DCAF4: variants seen among roughly 807,000 people sequenced by gnomAD.
The protein encoded by DCAF4 is DDB1- and CUL4-associated factor 4.
DCAF4 carries 37 observed loss-of-function variants against 60.9 expected under a neutral mutation model. That is an observed-to-expected ratio of 0.61 (90% CI 0.47 to 0.80). DCAF4 has a LOEUF of 0.80. DCAF4 is among the 30% of genes least tolerant of loss of function. DCAF4 has a pLI of 0.00. For missense variants in DCAF4, 577 were observed against 650.0 expected, an observed-to-expected ratio of 0.89 and a Z score of 1.22; for synonymous variants, 243 against 254.8, an observed-to-expected ratio of 0.95 and a Z score of 0.44.
chr14:72,940,402 C>T, intron 4 of DCAF4, 25 bp downstream of exon 4: 2 of 1,588,728 alleles, frequency 1.3e-6, no homozygotes, highest in Non-Finnish European at 8.5e-7. Context: ...CCTTCGCCCC[C>T]TGTCCTCTCC....
chr14:72,959,287 A>T lies in DCAF4; in HGVS notation c.*482A>T. On this transcript the variant is annotated 3_prime_UTR_variant, in exon 14 of 14. Transcript: ENST00000358377. ...AGAGGACGGGGAGGTTACTTCTCTA[A>T]GTTTCTGCAGAAATATTGAAGGCTG... 1.0e-6 allele frequency: 1 copy of T among 985,904 alleles called. No individual in the cohort carries two copies. Among genetic ancestry groups the T allele is most frequent in the South Asian group, 4.7e-5 (1 of 21,282 alleles). 61.1% of individuals were successfully genotyped at this position (985,904 alleles called of 1,614,324 possible).
intron 1 of DCAF4, among the ~76,000 whole-genome samples, chr14:72,927,663 C>A (rs1339169003): frequency 6.6e-6 from 1 of 151,642 alleles, no homozygotes; most frequent in Non-Finnish European, 1.5e-5. Flanking sequence ...AGGTGGTGTT[C>A]TGTGGGTAAC....
intron 9 of DCAF4, among the ~76,000 whole-genome samples, chr14:72,953,726 AAAAAAAATATATATATAT>A (rs1376121609): frequency 4.4e-5 from 2 of 45,868 alleles, no homozygotes; most frequent in Non-Finnish European, 7.5e-5. Flanking sequence ...AAAAAAAAAA[AAAAAAAATATATATATAT>A]ATATATATAT....
chr14:72,937,650 A>G (rs1889463455), intron 1 of DCAF4, among the ~76,000 whole-genome samples: 1 of 151,098 alleles, frequency 6.6e-6, no homozygotes, highest in Non-Finnish European at 1.5e-5. Flanking sequence ...CGAACTCCTG[A>G]CCTCGTGATC....
At chr14:72,939,301 C>T (rs545551434) in intron 2 of DCAF4, among the ~76,000 whole-genome samples, 1 of 152,302 alleles carries the variant, frequency 6.6e-6, no homozygotes, top group Admixed American at 6.5e-5. Flanking sequence ...GTTTTAGCCG[C>T]AGCTCTATCC....
Position 72,956,512 on chromosome 14 carries a change from A to G in DCAF4, c.1294+12A>G, listed in dbSNP as rs199555282. On this transcript the variant is annotated intron_variant, in intron 13 of 13. Coordinates refer to ENST00000358377, the MANE Select transcript of DCAF4 (RefSeq NM_015604.4). ...AATCCTGGTGGCAGGTACTTGAGGAAGGAAGGGGAAGTTCCACCCCATCAA... is the reference window on the plus strand; with the variant it reads ...AATCCTGGTGGCAGGTACTTGAGGAGGGAAGGGGAAGTTCCACCCCATCAA... The G allele has an allele frequency of 5.0e-6, 8 of 1,602,292 alleles. No individual in the cohort carries two copies. In the East Asian group the frequency reaches 1.6e-4, roughly 31 times the overall value.
intron 1 of DCAF4, among the ~76,000 whole-genome samples, chr14:72,927,652 G>A (rs925391092): frequency 5.9e-5 from 9 of 151,708 alleles, no homozygotes; most frequent in East Asian, 5.9e-4. Flanking sequence ...CGCCCGGCCT[G>A]AGGTGGTGTT....
At chr14:72,953,765 T>TATATA (rs1891852668) in intron 9 of DCAF4, among the ~76,000 whole-genome samples, 3 of 21,974 alleles carry the variant, frequency 1.4e-4, no homozygotes, top group African/African-American at 4.4e-4. Flanking sequence ...ATATATATAG[T>TATATA]TTATTTATTT....
At chr14:72,957,377 C>T (rs1464439093) in intron 13 of DCAF4, 1 of 152,184 alleles carries the variant, frequency 6.6e-6, no homozygotes, top group South Asian at 2.1e-4. Flanking sequence ...AGTGTGCAGG[C>T]TCAATGCTTT....
At chr14:72,945,766 ACT>A in intron 6 of DCAF4, 116 bp from the exon 7 acceptor site, 1 of 1,344,682 alleles carries the variant, frequency 7.4e-7, no homozygotes, top group Admixed American at 2.0e-5. Context: ...ATGGAGAGGA[ACT>A]CTCACCTAGT....
At chr14:72,954,000 A>G (rs1414387281) in intron 9 of DCAF4, among the ~76,000 whole-genome samples, 164 bp from the exon 10 acceptor site, 1 of 151,922 alleles carries the variant, frequency 6.6e-6, no homozygotes, top group Admixed American at 6.6e-5. Context: ...CTTGTGAGCC[A>G]GGCATCCCAG....
At chr14:72,934,784 A>G (rs1057055631) in intron 1 of DCAF4, among the ~76,000 whole-genome samples, 10 of 152,284 alleles carry the variant, frequency 6.6e-5, no homozygotes, top group Non-Finnish European at 1.5e-4. Context: ...GCCAGGTAGC[A>G]CAGCTTATTA....
At chr14:72,948,918 G>A (rs1891074757) in intron 8 of DCAF4, among the ~76,000 whole-genome samples, 1 of 152,176 alleles carries the variant, frequency 6.6e-6, no homozygotes, top group African/African-American at 2.4e-5. Flanking sequence ...ATCTTAGCCT[G>A]GCTCCGTAAG....
rs562907145 is a variant in DCAF4, at chr14:72,944,828, C to T, written c.535-1056C>T. On this transcript the variant is annotated intron_variant, in intron 6 of 13. Coordinates refer to ENST00000358377, the MANE Select transcript of DCAF4 (RefSeq NM_015604.4). ...ATAGGGCCAGGTGTGGTGGCTCACA[C>T]CTGTAATCCCAGCACTTTGGGAGGC... is the stretch of plus-strand genomic sequence containing the variant. Among the ~76,000 whole-genome samples the T allele has an allele frequency of 2.0e-5, 3 of 152,194 alleles. No individual in the cohort carries two copies. The South Asian group carries it at 6.2e-4, about 32-fold the overall frequency.
chr14:72,931,738 G>A (rs77694099), intron 1 of DCAF4, among the ~76,000 whole-genome samples: 13,362 of 152,022 alleles, frequency 0.088, 691 homozygotes, highest in East Asian at 0.2. Context: ...AATCATGAGA[G>A]GATGTTGCAT....
chr14:72,948,803 A>G (rs188034046), intron 8 of DCAF4, among the ~76,000 whole-genome samples: 3 of 152,322 alleles, frequency 2.0e-5, no homozygotes, highest in Admixed American at 2.0e-4. Flanking sequence ...TACTTTGTTC[A>G]GACCTGCACT....
chr14:72,960,189 A>G (rs1215441208), downstream of DCAF4, among the ~76,000 whole-genome samples: 2 of 145,894 alleles, frequency 1.4e-5, no homozygotes, highest in African/African-American at 5.1e-5. Flanking sequence ...GGTGTTTTAT[A>G]CTTGTTGCCC....
At chr14:72,956,112 G>C (rs536017226) in intron 12 of DCAF4, among the ~76,000 whole-genome samples, 1 of 151,730 alleles carries the variant, frequency 6.6e-6, no homozygotes, top group East Asian at 1.9e-4. Context: ...TAGTAGAGAT[G>C]GGGTTTCACC....
intron 1 of DCAF4, chr14:72,929,525 C>T: frequency 1.3e-6 from 1 of 745,212 alleles, no homozygotes. Context: ...CAAAGCGAGA[C>T]CCCGTCTCTA....
Sources: allele counts gnomAD v4.1 joint callset (sites outside exome capture counted in the v4.1 genomes callset), GRCh38; gene constraint gnomAD v4.1.1; transcripts MANE v1.5; gene names NCBI Gene and HGNC (gene_info 2026-07-23, HGNC 2026-07-21).